The following ITGB3 variants were observed in gnomAD, a reference collection of about 807,000 sequenced individuals.
The protein encoded by ITGB3 is integrin subunit beta 3, also known as integrin beta-3.
A neutral mutation model predicts 85.8 loss-of-function variants in ITGB3; 48 were observed. The observed-to-expected ratio is 0.56, with a 90% CI of 0.44 to 0.71. ITGB3 has a LOEUF of 0.71. Among genes scored for constraint, ITGB3 ranks in the 30% least tolerant of loss-of-function variants. The probability of loss-of-function intolerance (pLI) is 0.00; values close to 1 mark genes in which losing one functional copy is unlikely to be tolerated. For synonymous variants in ITGB3, 363 were observed against 395.6 expected (o/e 0.92, Z 0.98); for missense variants, 861 against 1,019.1 (o/e 0.84, Z 2.11).
intron 2 of ITGB3, among the ~76,000 whole-genome samples, chr17:47,283,073 C>CA (rs200296331): frequency 0.041 from 5,849 of 143,982 alleles, 183 homozygotes; most frequent in East Asian, 0.1. Flanking sequence ...TTTCTTTTTC[C>CA]TTTTTTTTTT....
intron 1 of ITGB3, among the ~76,000 whole-genome samples, chr17:47,259,754 C>G (rs2065002696): frequency 6.6e-6 from 1 of 152,104 alleles, no homozygotes; most frequent in South Asian, 2.1e-4. Flanking sequence ...ACAAAATCAG[C>G]TGGGCATGGT....
chr17:47,291,590 T>A (rs1237505628), intron 9 of ITGB3: 1 of 265,532 alleles, frequency 3.8e-6, no homozygotes, highest in African/African-American at 2.2e-5. Context: ...AGAAAATAGA[T>A]CTTTGGATAC....
At chr17:47,272,659 T>C (rs2065048536) in intron 1 of ITGB3, among the ~76,000 whole-genome samples, 1 of 144,948 alleles carries the variant, frequency 6.9e-6, no homozygotes, top group Non-Finnish European at 1.5e-5. Flanking sequence ...CCAAATTTTA[T>C]GTAATCTTTC....
chr17:47,304,182 A>C (rs1323795526), intron 13 of ITGB3, among the ~76,000 whole-genome samples: 1 of 152,090 alleles, frequency 6.6e-6, no homozygotes, highest in East Asian at 1.9e-4. Flanking sequence ...GTGTGAGCCA[A>C]CACACAGGGC....
intron 13 of ITGB3, among the ~76,000 whole-genome samples, chr17:47,304,261 A>G (rs1157231597): frequency 6.6e-6 from 1 of 152,078 alleles, no homozygotes; most frequent in African/African-American, 2.4e-5. Flanking sequence ...AGCTCCAATC[A>G]TTTCCTGGCT....
chr17:47,290,394 G>T lies in ITGB3; in HGVS notation c.1125+120G>T, dbSNP rs1365238933. ...ACCACACGGTCTTACTGCCTTCTCCGTGTGCTCCCAGAGCCCAGGCAATGG... is the reference window on the plus strand; with the variant it reads ...ACCACACGGTCTTACTGCCTTCTCCTTGTGCTCCCAGAGCCCAGGCAATGG... On this transcript the variant is annotated intron_variant, in intron 8 of 14. Coordinates refer to ENST00000559488, the MANE Select transcript of ITGB3 (RefSeq NM_000212.3). 23 of 863,416 alleles carry T rather than the reference G, an allele frequency of 2.7e-5. No individual in the cohort carries two copies. In the South Asian group the frequency reaches 2.9e-4, roughly 11 times the overall value. 53.5% of individuals were successfully genotyped at this position (863,416 alleles called of 1,614,324 possible).
At chr17:47,294,317 G>A (rs553561520) in intron 10 of ITGB3, among the ~76,000 whole-genome samples, 1 of 152,356 alleles carries the variant, frequency 6.6e-6, no homozygotes, top group African/African-American at 2.4e-5. Flanking sequence ...CTGAGGGAGA[G>A]AGGGTGGTCC....
chr17:47,267,564 G>T (rs1048819117), intron 1 of ITGB3, among the ~76,000 whole-genome samples: 1 of 151,996 alleles, frequency 6.6e-6, no homozygotes, highest in African/African-American at 2.4e-5. Flanking sequence ...ATCATGGGGG[G>T]TTCATTGGTT....
chr17:47,305,262 C>G (rs1255850864), intron 13 of ITGB3, among the ~76,000 whole-genome samples: 1 of 152,184 alleles, frequency 6.6e-6, no homozygotes, highest in East Asian at 1.9e-4. Context: ...AACACTGGAA[C>G]CTCACAGCCT....
intron 1 of ITGB3, among the ~76,000 whole-genome samples, chr17:47,268,748 T>A (rs1381536413): frequency 6.6e-6 from 1 of 152,182 alleles, no homozygotes; most frequent in East Asian, 1.9e-4. Flanking sequence ...AGGCTGTCAA[T>A]GGATCTACCA....
At chr17:47,281,493 A>T (rs1049251887) in intron 2 of ITGB3, among the ~76,000 whole-genome samples, 5 of 152,224 alleles carry the variant, frequency 3.3e-5, no homozygotes, top group Non-Finnish European at 5.9e-5. Flanking sequence ...CTGAGGTCAC[A>T]TGACTAGTCA....
intron 5 of ITGB3, 63 bp from the exon 6 acceptor site, chr17:47,287,007 A>G: frequency 6.4e-7 from 1 of 1,574,020 alleles, no homozygotes; most frequent in Non-Finnish European, 8.7e-7. Context: ...TCTGTTCTCT[A>G]CCAGTGACAT....
rs376445248 is a variant in ITGB3, at chr17:47,272,446, G to A, written c.80-1973G>A. On this transcript the variant is annotated intron_variant, in intron 1 of 14. Transcript: ENST00000559488. ...AGTCTCGCACTATTGCCCAGGGTTG[G>A]AGTGTAATGGTGATCATTTCCGTTT... Among the ~76,000 whole-genome samples, 5 of 152,020 alleles carry A rather than the reference G, an allele frequency of 3.3e-5. No individual in the cohort carries two copies. The East Asian group carries it at 5.8e-4, about 18-fold the overall frequency.
rs121918444 is a variant in ITGB3, at chr17:47,286,364, G to A, written c.719G>A (p.Arg240Gln). 1.2e-6 allele frequency: 2 copies of A among 1,614,048 alleles called. No homozygotes were observed. Among genetic ancestry groups the A allele is most frequent in the Non-Finnish European group, 8.5e-7 (1 of 1,180,038 alleles). Reference protein sequence around the residue: ...NEEVKKQSVSRNRDAPEGGFD... With the variant: ...NEEVKKQSVSQNRDAPEGGFD... ...GAAGTGAAGAAGCAGAGTGTGTCACGGAACCGAGATGCCCCAGAGGGTGGC... is the reference window on the plus strand; with the variant it reads ...GAAGTGAAGAAGCAGAGTGTGTCACAGAACCGAGATGCCCCAGAGGGTGGC... The change falls in exon 5 of 15, where the codon CGG becomes CAG. Residue 240 changes from arginine (R) to glutamine (Q), a missense_variant. Coordinates refer to ENST00000559488, the MANE Select transcript of ITGB3 (RefSeq NM_000212.3).
At chr17:47,305,793 C>G (rs1332792804) in intron 13 of ITGB3, 1 of 152,166 alleles carries the variant, frequency 6.6e-6, no homozygotes, top group African/African-American at 2.4e-5. Context: ...CAAATACTTA[C>G]AGTGGCTAAG....
intron 10 of ITGB3, among the ~76,000 whole-genome samples, chr17:47,298,698 C>T (rs2065154935): frequency 6.6e-6 from 1 of 152,202 alleles, no homozygotes; most frequent in Non-Finnish European, 1.5e-5. Context: ...CCAGCTCTTC[C>T]AAACTGGACC....
chr17:47,274,609 T>C, intron 2 of ITGB3, 105 bp downstream of exon 2: 1 of 939,766 alleles, frequency 1.1e-6, no homozygotes. Flanking sequence ...ACATGCCCCT[T>C]ATCCCTTCTA....
At chr17:47,302,572 A>C (rs2065171185) in intron 12 of ITGB3, 149 bp from the exon 13 acceptor site, 1 of 922,460 alleles carries the variant, frequency 1.1e-6, no homozygotes, top group Non-Finnish European at 1.7e-6. Flanking sequence ...TGCCAGACAC[A>C]ACAGCCACCT....
rs749398361 is a variant in ITGB3, at chr17:47,299,455, T to C, written c.1838T>C (p.Val613Ala). 1.2e-6 allele frequency: 2 copies of C among 1,614,256 alleles called. No homozygotes were observed. The highest frequency in any genetic ancestry group is 2.2e-5 in the South Asian group (2 of 91,088). ...GGCAAGTGTGAATGTGGCAGCTGTG[T>C]CTGTATCCAGCCGGGCTCCTATGGG... is the stretch of plus-strand genomic sequence containing the variant. ...GRGKCECGSC[V>A]CIQPGSYGDT... is the part of the protein sequence containing the mutation. The change falls in exon 11 of 15, where the codon GTC becomes GCC. Residue 613 changes from valine (V) to alanine (A), a missense_variant. By Grantham distance (64) the Val-to-Ala change is moderately conservative. Coordinates refer to ENST00000559488, the MANE Select transcript of ITGB3 (RefSeq NM_000212.3). This position sits in a 1 kb window ranked among gnomAD's most constrained non-coding sequence, Gnocchi z 5.1.
Sources: allele counts gnomAD v4.1 joint callset (sites outside exome capture counted in the v4.1 genomes callset), GRCh38; gene constraint gnomAD v4.1.1; non-coding constraint Gnocchi (gnomAD v3.1); transcripts MANE v1.5; gene names NCBI Gene and HGNC (gene_info 2026-07-23, HGNC 2026-07-21).